The following SEC23B variants were observed in gnomAD, a reference collection of about 807,000 sequenced individuals.
SEC23B encodes protein transport protein Sec23B.
Under a neutral mutation model 104.3 loss-of-function variants are expected in SEC23B, and 77 were observed. The observed-to-expected ratio is 0.74, with a 90% CI of 0.61 to 0.89. The LOEUF (loss-of-function observed/expected upper bound fraction) is 0.89, where lower values mean the gene tolerates loss of function less well. Among genes scored for constraint, SEC23B ranks in the 40% least tolerant of loss-of-function variants. The pLI is 0.00. For missense variants in SEC23B, 885 were observed against 949.4 expected (o/e 0.93, Z 0.89); for synonymous variants, 338 against 332.5 (o/e 1.02, Z -0.18).
intron 4 of SEC23B, among the ~76,000 whole-genome samples, chr20:18,516,945 G>A (rs1052399495): frequency 1.3e-5 from 2 of 152,094 alleles, no homozygotes; most frequent in Non-Finnish European, 2.9e-5. Context: ...TAATTGAAAA[G>A]GGATTGCATT....
chr20:18,554,556 G>A (rs904144162), intron 18 of SEC23B, among the ~76,000 whole-genome samples, 166 bp downstream of exon 18: 48 of 152,126 alleles, frequency 3.2e-4, no homozygotes, highest in African/African-American at 9.4e-4. Flanking sequence ...GGCCAAGCGC[G>A]GTGGCTCACA....
At chr20:18,556,825 C>T (rs190209678) in intron 19 of SEC23B, among the ~76,000 whole-genome samples, 12 of 152,182 alleles carry the variant, frequency 7.9e-5, no homozygotes, top group Admixed American at 2.6e-4. Context: ...GTGAAACCCC[C>T]GTCTCTACCA....
chr20:18,526,142 T>C (rs1304975295), intron 7 of SEC23B, among the ~76,000 whole-genome samples: 2 of 152,106 alleles, frequency 1.3e-5, no homozygotes, highest in Non-Finnish European at 2.9e-5. Context: ...AACTAAGAAT[T>C]AGAGCAATAG....
intron 4 of SEC23B, among the ~76,000 whole-genome samples, chr20:18,517,007 C>A (rs1412805370): frequency 6.6e-6 from 1 of 152,196 alleles, no homozygotes; most frequent in African/African-American, 2.4e-5. Context: ...TTAAGTCTTA[C>A]AACCCTTGAA....
At chr20:18,524,165 C>T (rs978484761) in intron 4 of SEC23B, among the ~76,000 whole-genome samples, 1 of 152,194 alleles carries the variant, frequency 6.6e-6, no homozygotes, top group Non-Finnish European at 1.5e-5. Flanking sequence ...TTTCTGTTCA[C>T]TGTGTGTCCC....
intron 19 of SEC23B, among the ~76,000 whole-genome samples, chr20:18,555,532 G>A (rs891019278): frequency 2.2e-4 from 34 of 151,364 alleles, no homozygotes; most frequent in African/African-American, 6.5e-4. Context: ...CGGTTTTGCC[G>A]CCTCCTCACT....
At chr20:18,523,181 C>T (rs1330086060) in intron 4 of SEC23B, among the ~76,000 whole-genome samples, 1 of 152,074 alleles carries the variant, frequency 6.6e-6, no homozygotes, top group African/African-American at 2.4e-5. Context: ...CGTGTTACCA[C>T]TCCAACCCCA....
At chr20:18,518,582 G>GTCTTTT (rs2060052751) in intron 4 of SEC23B, among the ~76,000 whole-genome samples, 1 of 92,658 alleles carries the variant, frequency 1.1e-5, no homozygotes, top group East Asian at 3.9e-4. Flanking sequence ...CTGGAAGGAG[G>GTCTTTT]TTTTTTTTTT....
intron 12 of SEC23B, among the ~76,000 whole-genome samples, chr20:18,537,418 C>T (rs6081198): frequency 0.49 from 73,464 of 150,306 alleles, 19,012 homozygotes; most frequent in Non-Finnish European, 0.59. Flanking sequence ...CCATAAAAAA[C>T]GATGAGTTCA....
chr20:18,526,492 T>C lies in SEC23B; in HGVS notation c.954T>C (p.Ile318=), dbSNP rs779904542. The C allele has an allele frequency of 2.3e-5, 37 of 1,613,998 alleles. No homozygotes were observed. The highest frequency in any genetic ancestry group is 3.1e-5 in the Non-Finnish European group (36 of 1,180,000). ...LKIPIRSWHD[I]EKDNARFMKK... The stretch of plus-strand genomic sequence containing the variant: ...TTCCTATTCGTTCTTGGCATGATAT[T>C]GAGAAAGATAATGCACGATTCATGA... Residue 318 remains isoleucine, a synonymous_variant, in exon 8 of 20, where the codon ATT becomes ATC. Coordinates refer to ENST00000650089, the MANE Select transcript of SEC23B (RefSeq NM_006363.6).
chr20:18,534,218 A>G (rs1053125132), intron 11 of SEC23B, among the ~76,000 whole-genome samples: 8 of 152,224 alleles, frequency 5.3e-5, no homozygotes, highest in Admixed American at 5.2e-4. Context: ...TAAGCACGTC[A>G]GTATGCATCT....
intron 2 of SEC23B, among the ~76,000 whole-genome samples, chr20:18,511,860 C>T (rs1251121568): frequency 1.3e-5 from 2 of 151,968 alleles, no homozygotes; most frequent in African/African-American, 4.8e-5. Flanking sequence ...TTAGTAGTTT[C>T]ACATAGCCGG....
chr20:18,508,020 C>T (rs771476861), intron 1 of SEC23B, 48 bp downstream of exon 1: 1 of 152,634 alleles, frequency 6.6e-6, no homozygotes, highest in African/African-American at 2.4e-5. Context: ...GACGGAGGGC[C>T]GAGGGCACGG....
At chr20:18,518,198 T>TA (rs1441964462) in intron 4 of SEC23B, among the ~76,000 whole-genome samples, 1 of 152,148 alleles carries the variant, frequency 6.6e-6, no homozygotes, top group East Asian at 1.9e-4. Flanking sequence ...ACCAAGGAAT[T>TA]ATGTCTGACA....
At chr20:18,520,769 C>A (rs144760192) in intron 4 of SEC23B, among the ~76,000 whole-genome samples, 1 of 151,776 alleles carries the variant, frequency 6.6e-6, no homozygotes, top group Non-Finnish European at 1.5e-5. Flanking sequence ...ATTAAGAAGG[C>A]GACGGACTTA....
chr20:18,518,388 G>A (rs1343554512), intron 4 of SEC23B, among the ~76,000 whole-genome samples: 1 of 152,124 alleles, frequency 6.6e-6, no homozygotes, highest in Non-Finnish European at 1.5e-5. Context: ...TGTAAGGAAG[G>A]GAGGGGGCCT....
At position 18,555,125 on chromosome 20, in the gene SEC23B, C is replaced by G. The variant is rs113596977; in HGVS notation, c.2166C>G (p.Ser722=). The G allele has an allele frequency of 6.2e-6, 10 of 1,613,590 alleles. No homozygotes were observed. The Admixed American group carries it at 8.3e-5, about 13-fold the overall frequency. Residue 722 remains serine, a synonymous_variant, in exon 19 of 20, where the codon TCC becomes TCG. Coordinates refer to ENST00000650089, the MANE Select transcript of SEC23B (RefSeq NM_006363.6). ...HGGSQARFLL[S]KVNPSQTHNN... The stretch of plus-strand genomic sequence containing the variant: ...TGTTAAAGGCTCGATTCCTTTTGTC[C>G]AAAGTGAACCCATCTCAGACACACA...
chr20:18,555,245 A>C (rs868711834), intron 19 of SEC23B, 72 bp downstream of exon 19: 7 of 1,279,762 alleles, frequency 5.5e-6, no homozygotes, highest in Non-Finnish European at 6.8e-6. Flanking sequence ...AAATTCTACA[A>C]ATTGGATCTC....
rs1323095368 is a variant in SEC23B, at chr20:18,527,484, C to G, written c.994-12C>G. 1 of 1,489,210 alleles carries G rather than the reference C, an allele frequency of 6.7e-7. No homozygotes were observed. Among genetic ancestry groups the G allele is most frequent in the Non-Finnish European group, 9.4e-7 (1 of 1,066,110 alleles). The allele number at this position is 1,489,210 out of a possible 1,614,324, so 92.2% of individuals were successfully genotyped here. ...TCACTGTTTCCTAAAGATAGCTTTC[C>G]TCTCTTCACAGCACTATGAGATGCT... is the stretch of plus-strand genomic sequence containing the variant. On this transcript the variant is annotated splice_polypyrimidine_tract_variant and intron_variant, in intron 8 of 19. Coordinates refer to ENST00000650089, the MANE Select transcript of SEC23B (RefSeq NM_006363.6).
Sources: allele counts gnomAD v4.1 joint callset (sites outside exome capture counted in the v4.1 genomes callset), GRCh38; gene constraint gnomAD v4.1.1; transcripts MANE v1.5; gene names NCBI Gene and HGNC (gene_info 2026-07-23, HGNC 2026-07-21).